Variants in LMCD1 observed in about 807,000 individuals in gnomAD.
The protein encoded by LMCD1 is LIM and cysteine rich domains 1, also known as LIM and cysteine-rich domains protein 1.
Under a neutral mutation model 42.7 loss-of-function variants are expected in LMCD1, and 32 were observed. That is an observed-to-expected ratio of 0.75 (90% CI 0.57 to 1.01). The LOEUF is 1.01. LMCD1 is among the 50% of genes least tolerant of loss of function. LMCD1 has a pLI of 0.00. For missense variants in LMCD1, 458 were observed against 483.1 expected (o/e 0.95, Z 0.49); for synonymous variants, 178 against 184.9 (o/e 0.96, Z 0.30).
chr3:8,567,664 A>G lies in LMCD1; in HGVS notation c.*66A>G. On this transcript the variant is annotated 3_prime_UTR_variant, in exon 6 of 6. Coordinates refer to ENST00000157600, the MANE Select transcript of LMCD1 (RefSeq NM_014583.4). ...GAGAAGGAGAGCCAGGTGTGCCGAG[A>G]CCATCCTAAGGGTCCGATGTGACAG... 6.5e-7 allele frequency: 1 copy of G among 1,535,292 alleles called. No homozygotes were observed. The highest frequency in any genetic ancestry group is 8.8e-7 in the Non-Finnish European group (1 of 1,133,224).
chr3:8,542,231 A>T (rs1694641268), intron 3 of LMCD1, among the ~76,000 whole-genome samples: 1 of 151,808 alleles, frequency 6.6e-6, no homozygotes, highest in Admixed American at 6.6e-5. Context: ...CAAACTCCTG[A>T]CCTCAAGCCA....
intron 1 of LMCD1, among the ~76,000 whole-genome samples, chr3:8,502,322 TATATATAATATATATTATATATAAA>T (rs1693754721): frequency 1.2e-4 from 1 of 8,538 alleles, no homozygotes; most frequent in Non-Finnish European, 3.1e-4. Context: ...AAATATATAT[TATATATAATATATATTATATATAAA>T]ATATATAATA....
chr3:8,548,561 T>C lies in LMCD1; in HGVS notation c.388-7T>C. On this transcript the variant is annotated splice_region_variant and splice_polypyrimidine_tract_variant and intron_variant, in intron 3 of 5. Coordinates refer to ENST00000157600, the MANE Select transcript of LMCD1 (RefSeq NM_014583.4). Reference sequence around the variant, plus strand: ...TCATGTTGTCTCTTCCTCCTCCTCCTCCCTAGGGACTGCAGTACATGGAGC... The same window carrying C: ...TCATGTTGTCTCTTCCTCCTCCTCCCCCCTAGGGACTGCAGTACATGGAGC... 1 of 1,592,080 alleles carries C rather than the reference T, an allele frequency of 6.3e-7. No homozygotes were observed. The highest frequency in any genetic ancestry group is 8.6e-7 in the Non-Finnish European group (1 of 1,165,260).
intron 1 of LMCD1, among the ~76,000 whole-genome samples, chr3:8,525,018 T>G (rs1234668523): frequency 6.6e-6 from 1 of 152,172 alleles, no homozygotes; most frequent in Non-Finnish European, 1.5e-5. Context: ...ATACATTGTG[T>G]ACTAATCAAA....
rs1559352097 is a variant in LMCD1, at chr3:8,539,799, TTA to T, written c.387+2361_387+2362del. On this transcript the variant is annotated intron_variant, in intron 3 of 5. Transcript: ENST00000157600. ...CCCACTCACCTTCCCAACATTTTTATTATTATTATTATTATTATTATTATTAT... is the reference window on the plus strand; with the variant it reads ...CCCACTCACCTTCCCAACATTTTTATTTATTATTATTATTATTATTATTAT... 4.6e-3 allele frequency among the ~76,000 whole-genome samples: 351 copies of T among 75,708 alleles called. 2 individuals carry two copies. Among genetic ancestry groups the T allele is most frequent in the African/African-American group, 0.017 (287 of 16,834 alleles). 49.7% of individuals were successfully genotyped at this position (75,708 alleles called of 152,430 possible). A position where few individuals can be genotyped will look rare whatever the true frequency, so the allele number is the denominator to read the frequency against.
rs531004703 is a variant in LMCD1 at position 8,564,941 on chromosome 3, T to C, written c.724-491T>C. ...ATCTTCTGCAAGTCATTGAAGAGAT[T>C]TGCAGATATATAAAACAATGTCTTA... On this transcript the variant is annotated intron_variant, in intron 4 of 5. Coordinates refer to ENST00000157600, the MANE Select transcript of LMCD1 (RefSeq NM_014583.4). 3.3e-5 allele frequency among the ~76,000 whole-genome samples: 5 copies of C among 152,346 alleles called. No homozygotes were observed. The South Asian group carries it at 1.0e-3, about 32-fold the overall frequency.
intron 3 of LMCD1, among the ~76,000 whole-genome samples, 163 bp from the exon 4 acceptor site, chr3:8,548,405 A>T (rs1694777135): frequency 6.6e-6 from 1 of 152,178 alleles, no homozygotes; most frequent in Admixed American, 6.5e-5. Flanking sequence ...TACAAAAGTA[A>T]TCTAACTGCA....
intron 2 of LMCD1, 88 bp from the exon 3 acceptor site, chr3:8,537,097 C>G (rs921590317): frequency 2.1e-6 from 3 of 1,443,812 alleles, no homozygotes; most frequent in East Asian, 2.4e-5. Context: ...TTTTAGCTTG[C>G]TTTCAAAAGG....
chr3:8,521,690 A>C (rs1694208006), intron 1 of LMCD1, among the ~76,000 whole-genome samples: 1 of 152,214 alleles, frequency 6.6e-6, no homozygotes, highest in Non-Finnish European at 1.5e-5. Flanking sequence ...AGGCAGACAG[A>C]AGAAAAAGAA....
intron 5 of LMCD1, 82 bp from the exon 6 acceptor site, chr3:8,567,358 C>T: frequency 7.2e-7 from 1 of 1,394,238 alleles, no homozygotes; most frequent in Non-Finnish European, 9.8e-7. Context: ...GATGAACCAC[C>T]ACCCTATAAC....
chr3:8,525,659 C>T (rs982062810), intron 1 of LMCD1, among the ~76,000 whole-genome samples: 1 of 152,142 alleles, frequency 6.6e-6, no homozygotes, highest in African/African-American at 2.4e-5. Flanking sequence ...TCCATAATGG[C>T]TGTACCAATT....
At chr3:8,558,537 A>C (rs993237073) in intron 4 of LMCD1, among the ~76,000 whole-genome samples, 8 of 152,228 alleles carry the variant, frequency 5.3e-5, no homozygotes, top group Non-Finnish European at 1.2e-4. Context: ...AAATGTTGGA[A>C]ACGTTCTCAC....
At chr3:8,532,209 G>A (rs1339783229) in intron 1 of LMCD1, among the ~76,000 whole-genome samples, 1 of 152,200 alleles carries the variant, frequency 6.6e-6, no homozygotes, top group Non-Finnish European at 1.5e-5. Flanking sequence ...GAGATTTTAA[G>A]TGCTCATGTG....
chr3:8,542,295 C>T (rs914052161), intron 3 of LMCD1, among the ~76,000 whole-genome samples: 4 of 152,138 alleles, frequency 2.6e-5, no homozygotes, highest in Non-Finnish European at 5.9e-5. Flanking sequence ...AACCACCATG[C>T]CCAGCCCCAG....
chr3:8,543,428 T>TAGAC (rs1451904770), intron 3 of LMCD1, among the ~76,000 whole-genome samples: 8 of 123,986 alleles, frequency 6.5e-5, no homozygotes, highest in Admixed American at 2.3e-4. Flanking sequence ...GATAGATAGA[T>TAGAC]AGATAGATAG....
intron 4 of LMCD1, among the ~76,000 whole-genome samples, chr3:8,555,716 CTT>C (rs35525213): frequency 6.3e-5 from 4 of 63,264 alleles, no homozygotes; most frequent in African/African-American, 1.5e-4. Flanking sequence ...CTTCAACGAG[CTT>C]TTTTTTTTTT....
At chr3:8,553,521 G>C (rs548576522) in intron 4 of LMCD1, among the ~76,000 whole-genome samples, 1 of 152,174 alleles carries the variant, frequency 6.6e-6, no homozygotes, top group South Asian at 2.1e-4. Flanking sequence ...CTGCATGGCC[G>C]GGGCTGTCAG....
At chr3:8,549,790 C>G (rs66485711) in intron 4 of LMCD1, 69,457 of 702,220 alleles carry the variant, frequency 0.099, 4,301 homozygotes, top group South Asian at 0.2. Context: ...GGTGAGCACT[C>G]TCTGCAGAGT....
chr3:8,529,887 C>T (rs1694378594), intron 1 of LMCD1, among the ~76,000 whole-genome samples: 1 of 152,130 alleles, frequency 6.6e-6, no homozygotes, highest in Non-Finnish European at 1.5e-5. Context: ...AAGTGTGTGC[C>T]AAGCCCTTTT....
Sources: gnomAD v4.1 joint callset for allele counts (sites outside exome capture counted in the v4.1 genomes callset) on GRCh38, gnomAD v4.1.1 for gene constraint, MANE v1.5 for transcripts, NCBI Gene and HGNC (gene_info 2026-07-23, HGNC 2026-07-21) for gene names.